MARCHF5: variants seen among roughly 807,000 people sequenced by gnomAD.
MARCHF5 encodes the protein membrane associated ring-CH-type finger 5, also known as E3 ubiquitin-protein ligase MARCHF5.
Under a neutral mutation model 36.5 loss-of-function variants are expected in MARCHF5, and 5 were observed. That is an observed-to-expected ratio of 0.14 (90% CI 0.07 to 0.29). The LOEUF (loss-of-function observed/expected upper bound fraction) is 0.29. MARCHF5 is among the 10% of genes least tolerant of loss of function. The pLI, the probability that MARCHF5 is intolerant of heterozygous loss-of-function variation, is 1.00. For synonymous variants in MARCHF5, 103 were observed against 109.9 expected (o/e 0.94, Z 0.39); for missense variants, 179 against 336.3 (o/e 0.53, Z 3.66).
At chr10:92,294,187 G>A (rs1244353178) in intron 1 of MARCHF5, among the ~76,000 whole-genome samples, 1 of 152,114 alleles carries the variant, frequency 6.6e-6, no homozygotes, top group East Asian at 1.9e-4. Flanking sequence ...AGATAGTAGG[G>A]TATAGTGAGT....
chr10:92,347,503 T>C (rs1843659625), intron 3 of MARCHF5, among the ~76,000 whole-genome samples: 1 of 98,728 alleles, frequency 1.0e-5, no homozygotes, highest in African/African-American at 3.9e-5. Context: ...GATAGATAGA[T>C]AGATAGATAG....
chr10:92,349,996 A>G, intron 5 of MARCHF5, 159 bp downstream of exon 5: 1 of 613,320 alleles, frequency 1.6e-6, no homozygotes, highest in Non-Finnish European at 2.8e-6. Flanking sequence ...AGTGGAAATA[A>G]AAAGAGGAGA....
chr10:92,294,335 A>G (rs755850539), intron 1 of MARCHF5, among the ~76,000 whole-genome samples: 9 of 152,340 alleles, frequency 5.9e-5, no homozygotes, highest in Non-Finnish European at 1.2e-4. Context: ...GCTACAGCAA[A>G]TGAAACATAC....
chr10:92,304,499 GC>G (rs1253728238), intron 1 of MARCHF5, among the ~76,000 whole-genome samples: 1 of 152,112 alleles, frequency 6.6e-6, no homozygotes, highest in African/African-American at 2.4e-5. Context: ...TTGAAGTACA[GC>G]TATCAAAATA....
At chr10:92,296,887 C>T (rs778133709) in intron 1 of MARCHF5, among the ~76,000 whole-genome samples, 3 of 152,156 alleles carry the variant, frequency 2.0e-5, no homozygotes, top group African/African-American at 7.2e-5. Context: ...GCTGTATAAA[C>T]AATTTCACAT....
rs1842859782 is a variant in MARCHF5 at position 92,291,417 on chromosome 10, CCT to C, written c.-74_-73del. ...CGCCGGACTGCGGCCTACTCCGCCG[CCT>C]CTCAGTGCTATTGTCCCTGGGCCTG... On this transcript the variant is annotated 5_prime_UTR_variant, in exon 1 of 6. Coordinates refer to ENST00000358935, the MANE Select transcript of MARCHF5 (RefSeq NM_017824.5). 3.1e-6 allele frequency: 4 copies of C among 1,290,290 alleles called. No homozygotes were observed. The highest frequency in any genetic ancestry group is 4.0e-5 in the Admixed American group (2 of 50,418). The allele number at this position is 1,290,290 out of a possible 1,614,324, so 79.9% of individuals were successfully genotyped here.
intron 2 of MARCHF5, among the ~76,000 whole-genome samples, chr10:92,324,124 T>C (rs764920926): frequency 6.6e-6 from 1 of 152,252 alleles, no homozygotes; most frequent in Non-Finnish European, 1.5e-5. Context: ...TAATTTGAAA[T>C]TTTCTAATGA....
At chr10:92,345,266 G>T (rs553883712) in intron 3 of MARCHF5, among the ~76,000 whole-genome samples, 2 of 152,076 alleles carry the variant, frequency 1.3e-5, no homozygotes, top group South Asian at 4.2e-4. Flanking sequence ...ATCCCAGCAC[G>T]TTGGGAAGCT....
intron 2 of MARCHF5, among the ~76,000 whole-genome samples, chr10:92,328,852 G>T (rs887996377): frequency 7.3e-6 from 1 of 137,536 alleles, no homozygotes; most frequent in African/African-American, 2.7e-5. Context: ...ATATCTGATA[G>T]ATAGTTTGTG....
At chr10:92,322,985 C>T (rs1440684537) in intron 2 of MARCHF5, among the ~76,000 whole-genome samples, 1 of 152,184 alleles carries the variant, frequency 6.6e-6, no homozygotes, top group Non-Finnish European at 1.5e-5. Flanking sequence ...ATCCACCCAC[C>T]TTGGCCTCCC....
At chr10:92,303,667 A>G (rs113153482) in intron 1 of MARCHF5, among the ~76,000 whole-genome samples, 2 of 152,248 alleles carry the variant, frequency 1.3e-5, no homozygotes, top group African/African-American at 4.8e-5. Context: ...ATAATGTTAG[A>G]TTTAGGGCAA....
intron 1 of MARCHF5, among the ~76,000 whole-genome samples, chr10:92,310,499 T>G (rs1009176738): frequency 6.6e-6 from 1 of 152,188 alleles, no homozygotes; most frequent in African/African-American, 2.4e-5. Context: ...GACTTGATAC[T>G]TCTAGATTTC....
intron 1 of MARCHF5, among the ~76,000 whole-genome samples, chr10:92,300,163 A>AG (rs1160401032): frequency 1.6e-5 from 1 of 62,254 alleles, no homozygotes; most frequent in African/African-American, 3.8e-5. Flanking sequence ...ACCTTGTCTC[A>AG]AAAAAAAAAA....
rs542227486 is a variant in MARCHF5, at chr10:92,306,361, A to G, written c.36-4774A>G. Among the ~76,000 whole-genome samples the G allele has an allele frequency of 4.6e-5, 7 of 152,320 alleles. No homozygotes were observed. In the East Asian group the frequency reaches 1.2e-3, roughly 25 times the overall value. On this transcript the variant is annotated intron_variant, in intron 1 of 5. Coordinates refer to ENST00000358935, the MANE Select transcript of MARCHF5 (RefSeq NM_017824.5). ...TCTGGAAGATAGGCTACAGCGGCCA[A>G]TCTGAGTGTTTCTGGGGTTGGTTAT... is the stretch of plus-strand genomic sequence containing the variant.
intron 1 of MARCHF5, among the ~76,000 whole-genome samples, chr10:92,305,179 C>G (rs1451867735): frequency 1.3e-5 from 2 of 152,130 alleles, no homozygotes; most frequent in African/African-American, 4.8e-5. Flanking sequence ...GAGGCCTAAG[C>G]AGGCAGATCA....
At chr10:92,308,035 G>T (rs1199033590) in intron 1 of MARCHF5, among the ~76,000 whole-genome samples, 3 of 151,604 alleles carry the variant, frequency 2.0e-5, no homozygotes, top group Non-Finnish European at 4.4e-5. Context: ...CTGCCTCCTG[G>T]GTTCACACCA....
chr10:92,343,864 C>T (rs573471921), intron 3 of MARCHF5, among the ~76,000 whole-genome samples: 2 of 152,188 alleles, frequency 1.3e-5, no homozygotes, highest in South Asian at 2.1e-4. Flanking sequence ...CCACTGCACC[C>T]GGCAGTCTTT....
At chr10:92,324,584 G>C (rs1028266100) in intron 2 of MARCHF5, among the ~76,000 whole-genome samples, 57 of 152,216 alleles carry the variant, frequency 3.7e-4, no homozygotes, top group African/African-American at 1.3e-3. Context: ...GGATGGTCTT[G>C]ATCTCCTGAC....
intron 2 of MARCHF5, among the ~76,000 whole-genome samples, chr10:92,332,903 G>A (rs998423052): frequency 2.0e-5 from 3 of 151,816 alleles, no homozygotes; most frequent in South Asian, 2.1e-4. Context: ...GGTGGCTCAC[G>A]CCTGTAATCC....
Sources: gnomAD v4.1 joint callset for allele counts (sites outside exome capture counted in the v4.1 genomes callset) on GRCh38, gnomAD v4.1.1 for gene constraint, MANE v1.5 for transcripts, NCBI Gene and HGNC (gene_info 2026-07-23, HGNC 2026-07-21) for gene names.